The following STK3 variants were observed in gnomAD, a reference collection of about 807,000 sequenced individuals.
STK3 encodes serine/threonine kinase 3.
STK3 carries 41 observed loss-of-function variants against 58.0 expected under a neutral mutation model. The observed-to-expected ratio is 0.71, with a 90% CI of 0.55 to 0.92. The LOEUF is 0.92. STK3 is among the 40% of genes least tolerant of loss of function. The pLI, the probability that STK3 is intolerant of heterozygous loss-of-function variation, is 0.00. For synonymous variants in STK3, 170 were observed against 191.0 expected, an observed-to-expected ratio of 0.89 and a Z score of 0.91; for missense variants, 479 against 602.7, an observed-to-expected ratio of 0.79 and a Z score of 2.15.
intron 1 of STK3, among the ~76,000 whole-genome samples, chr8:98,884,785 G>A (rs1045010887): frequency 6.6e-6 from 1 of 152,158 alleles, no homozygotes. Context: ...TTCATGATGG[G>A]AGTAATCATG....
chr8:98,382,859 C>A (rs1817751589), intron 1 of STK3, among the ~76,000 whole-genome samples: 1 of 152,208 alleles, frequency 6.6e-6, no homozygotes, highest in South Asian at 2.1e-4. Flanking sequence ...GGGGTGGGGA[C>A]CAGCCTTCCC....
rs773157841 is a variant in STK3 at position 98,749,314 on chromosome 8, C to A, written c.313G>T (p.Gly105Cys). 6.2e-7 allele frequency: 1 copy of A among 1,609,224 alleles called. No individual in the cohort carries two copies. The highest frequency in any genetic ancestry group is 8.5e-7 in the Non-Finnish European group (1 of 1,177,200). ...AATCTAATTATGTCTGAGACAGAGC[C>A]AGCGCCACAGTACTCCATAACAATC... ...LWIVMEYCGA[G>C]SVSDIIRLRN... Residue 105 changes from glycine (G) to cysteine (C), a missense_variant, in exon 4 of 11, where the codon GGC (glycine) becomes TGC (cysteine). Coordinates refer to ENST00000419617, the MANE Select transcript of STK3 (RefSeq NM_006281.4).
At chr8:98,347,126 T>G in the STK3 span, among the ~76,000 whole-genome samples, 1 of 151,832 alleles carries the variant, frequency 6.6e-6, no homozygotes, top group Non-Finnish European at 1.5e-5. Flanking sequence ...ATGTTAGAGA[T>G]GTATATTATA....
intron 1 of STK3, among the ~76,000 whole-genome samples, chr8:98,890,828 T>A (rs1268048990): frequency 2.0e-5 from 3 of 152,236 alleles, no homozygotes; most frequent in Admixed American, 6.5e-5. Context: ...AGCACAGATG[T>A]ACAGATAAAC....
At chr8:98,448,962 ATTCT>A (rs957767597) in intron 1 of STK3, among the ~76,000 whole-genome samples, 5 of 152,128 alleles carry the variant, frequency 3.3e-5, no homozygotes, top group African/African-American at 1.2e-4. Context: ...TTTATAAGAA[ATTCT>A]TTCTGATGTG....
chr8:98,601,635 A>G (rs1816357130), intron 6 of STK3: 1 of 152,238 alleles, frequency 6.6e-6, no homozygotes, highest in Non-Finnish European at 1.5e-5. Context: ...AATACATGTG[A>G]GCAATAGGTA....
chr8:98,452,906 G>T (rs181008035), downstream of STK3, among the ~76,000 whole-genome samples: 3 of 147,210 alleles, frequency 2.0e-5, no homozygotes, highest in African/African-American at 7.8e-5. Context: ...GATTACAGGC[G>T]CCTGCTACCA....
chr8:98,612,112 T>C (rs940366984), intron 6 of STK3, among the ~76,000 whole-genome samples: 1 of 150,054 alleles, frequency 6.7e-6, no homozygotes, highest in Admixed American at 6.6e-5. Context: ...CTATATTTTA[T>C]ATTTCATCTA....
chr8:98,777,756 A>G (rs542277846), intron 1 of STK3, among the ~76,000 whole-genome samples: 2 of 152,354 alleles, frequency 1.3e-5, no homozygotes, highest in South Asian at 4.1e-4. Context: ...AAACATTTTA[A>G]AAAGCCATCC....
At chr8:98,348,295 T>G in the STK3 span, among the ~76,000 whole-genome samples, 1 of 152,062 alleles carries the variant, frequency 6.6e-6, no homozygotes, top group African/African-American at 2.4e-5. Flanking sequence ...AATCCAAAAC[T>G]ATAAAACTAG....
At chr8:98,523,455 A>G (rs1586771747) in intron 10 of STK3, among the ~76,000 whole-genome samples, 1 of 150,774 alleles carries the variant, frequency 6.6e-6, no homozygotes, top group Admixed American at 6.6e-5. Flanking sequence ...GCTCACTGCA[A>G]CCTCCATCTC....
chr8:98,547,896 GAACT>G, intron 9 of STK3, 69 bp downstream of exon 9: 1 of 1,331,224 alleles, frequency 7.5e-7, no homozygotes, highest in Non-Finnish European at 9.7e-7. Flanking sequence ...AAGTAACACA[GAACT>G]AGCCTGGTTC....
At chr8:98,645,594 T>TGACATA (rs1232964921) in intron 6 of STK3, among the ~76,000 whole-genome samples, 3 of 152,170 alleles carry the variant, frequency 2.0e-5, no homozygotes, top group African/African-American at 7.2e-5. Context: ...ACTCACATAA[T>TGACATA]GACATACCTC....
Position 98,834,481 on chromosome 8 carries a change from A to T in STK3, c.110+49166T>A, listed in dbSNP as rs972764458. On this transcript the variant is annotated intron_variant, in intron 3 of 12. Coordinates refer to the STK3 transcript ENST00000523601. ...ACTACAATGTCTGCTACACATAAGT[A>T]CTCAGAACGTTATAATCAATTAATA... Among the ~76,000 whole-genome samples the T allele has an allele frequency of 4.6e-5, 7 of 152,252 alleles. No individual in the cohort carries two copies. In the East Asian group the frequency reaches 1.2e-3, roughly 25 times the overall value.
intron 1 of STK3, among the ~76,000 whole-genome samples, chr8:98,900,233 C>T (rs1000246262): frequency 2.6e-5 from 4 of 152,040 alleles, no homozygotes; most frequent in Non-Finnish European, 5.9e-5. Flanking sequence ...CCCGCCACTA[C>T]ACCCGGCTAA....
At chr8:98,403,762 T>C (rs1045769586) in intron 3 of STK3, among the ~76,000 whole-genome samples, 3 of 152,182 alleles carry the variant, frequency 2.0e-5, no homozygotes, top group African/African-American at 7.2e-5. Flanking sequence ...GTAGACTGCG[T>C]GCTATAGGCA....
chr8:98,562,737 GAAAA>G (rs778049177), intron 8 of STK3, among the ~76,000 whole-genome samples: 7 of 17,406 alleles, frequency 4.0e-4, no homozygotes, highest in East Asian at 2.1e-3. Flanking sequence ...CACAAAAAAT[GAAAA>G]AAAAAAAAAA....
At chr8:98,741,023 T>A (rs1250548733) in intron 4 of STK3, among the ~76,000 whole-genome samples, 1 of 152,136 alleles carries the variant, frequency 6.6e-6, no homozygotes, top group Non-Finnish European at 1.5e-5. Context: ...GGTAGAGGGA[T>A]CAATTCAACA....
intron 3 of STK3, among the ~76,000 whole-genome samples, chr8:98,757,722 TTAAG>T (rs776844637): frequency 3.3e-5 from 5 of 152,102 alleles, no homozygotes; most frequent in Non-Finnish European, 7.4e-5. Context: ...ATCTTTTTTT[TTAAG>T]TAATTCAAAC....
Sources: gnomAD v4.1 joint callset for allele counts (sites outside exome capture counted in the v4.1 genomes callset) on GRCh38, gnomAD v4.1.1 for gene constraint, MANE v1.5 for transcripts, NCBI Gene and HGNC (gene_info 2026-07-23, HGNC 2026-07-21) for gene names.